Variants in SLC13A3 observed in about 807,000 individuals in gnomAD.
SLC13A3 encodes the protein Na(+)/dicarboxylate cotransporter 3.
SLC13A3 carries 40 observed loss-of-function variants against 59.0 expected under a neutral mutation model. The ratio of observed to expected loss-of-function variants is 0.68; its 90% confidence interval spans 0.53 to 0.88. The LOEUF (loss-of-function observed/expected upper bound fraction) is 0.88. Ranked by LOEUF, SLC13A3 falls within the 40% of genes least tolerant of loss-of-function variation. The pLI is 0.00. For missense variants in SLC13A3, 699 were observed against 783.2 expected, an observed-to-expected ratio of 0.89 and a Z score of 1.28; for synonymous variants, 317 against 330.3, an observed-to-expected ratio of 0.96 and a Z score of 0.44.
chr20:46,646,562 G>C (rs1275491747), intron 1 of SLC13A3, among the ~76,000 whole-genome samples: 1 of 152,138 alleles, frequency 6.6e-6, no homozygotes, highest in African/African-American at 2.4e-5. Context: ...TCACAAATGA[G>C]ACTCAGCCTC....
At chr20:46,624,029 C>T (rs1037467843) in intron 1 of SLC13A3, among the ~76,000 whole-genome samples, 4 of 152,204 alleles carry the variant, frequency 2.6e-5, no homozygotes, top group Non-Finnish European at 5.9e-5. Context: ...AAATCTCTCT[C>T]GTTCCTAGGC....
In SLC13A3 at chr20:46,577,578, G is replaced by A. The variant is rs554828623; in HGVS notation, c.1220-1893C>T. ...CTTGAGCAGGGTCCCATGTAATGCA[G>A]ATTAAATGGCGAGTGCGTATCAGAC... On this transcript the variant is annotated intron_variant, in intron 9 of 12. Transcript: ENST00000279027. Among the ~76,000 whole-genome samples, 74 of 152,362 alleles carry A rather than the reference G, an allele frequency of 4.9e-4. 1 individual carries two copies. The highest frequency in any genetic ancestry group is 1.6e-3 in the African/African-American group (66 of 41,588).
chr20:46,592,505 C>T lies in SLC13A3; in HGVS notation c.819G>A (p.Val273=), dbSNP rs752514081. 3.7e-6 allele frequency: 6 copies of T among 1,613,658 alleles called. No homozygotes were observed. Among genetic ancestry groups the T allele is most frequent in the Non-Finnish European group, 5.1e-6 (6 of 1,179,810 alleles). ...LKSFFPQCDV[V]NFGSWFIFAF... is the part of the protein sequence containing the mutation. The stretch of plus-strand genomic sequence containing the variant: ...CGAAAATGAACCAGGAGCCGAAATT[C>T]ACCACGTCACACTGCGGAAAGAAAC... The change falls in exon 6 of 13, where the codon GTG becomes GTA. Residue 273 remains valine (V), a synonymous_variant. Transcript: ENST00000279027.
At chr20:46,659,715 C>CCG (rs1001196913) in intron 1 of SLC13A3, among the ~76,000 whole-genome samples, 1 of 144,996 alleles carries the variant, frequency 6.9e-6, no homozygotes, top group African/African-American at 2.7e-5. Flanking sequence ...GACCCTATCC[C>CCG]CCCCCCCCAA....
chr20:46,674,161 T>A (rs1054008601), upstream of SLC13A3, among the ~76,000 whole-genome samples: 1 of 152,020 alleles, frequency 6.6e-6, no homozygotes, highest in South Asian at 2.1e-4. Flanking sequence ...CCCCTCCACC[T>A]CCGCACCCTG....
At chr20:46,610,272 A>G (rs912564239) in intron 3 of SLC13A3, among the ~76,000 whole-genome samples, 174 bp downstream of exon 3, 3 of 152,202 alleles carry the variant, frequency 2.0e-5, no homozygotes, top group African/African-American at 2.4e-5. Context: ...TAAACAACCA[A>G]GGTACCATGA....
At chr20:46,649,273 C>T (rs2062929152) in intron 1 of SLC13A3, among the ~76,000 whole-genome samples, 1 of 152,142 alleles carries the variant, frequency 6.6e-6, no homozygotes, top group Non-Finnish European at 1.5e-5. Flanking sequence ...TTCAGTTGTG[C>T]ATGTTGGAGT....
intron 5 of SLC13A3, 45 bp downstream of exon 5, chr20:46,596,112 G>A (rs769978953): frequency 1.3e-6 from 2 of 1,561,772 alleles, no homozygotes; most frequent in Non-Finnish European, 1.8e-6. Flanking sequence ...GGAAGAGGAG[G>A]GGAGGAGCAG....
At chr20:46,582,290 T>A (rs1022700859) in intron 9 of SLC13A3, among the ~76,000 whole-genome samples, 11 of 152,026 alleles carry the variant, frequency 7.2e-5, no homozygotes, top group African/African-American at 2.7e-4. Context: ...CCAGCTATTT[T>A]TTTTATTTTT....
chr20:46,660,734 TTC>T (rs373906095), intron 1 of SLC13A3, among the ~76,000 whole-genome samples: 23 of 152,298 alleles, frequency 1.5e-4, no homozygotes, highest in African/African-American at 5.1e-4. Context: ...TTTTGCCCCA[TTC>T]TCTCTCTCCT....
intron 8 of SLC13A3, among the ~76,000 whole-genome samples, chr20:46,587,410 C>A (rs947242764): frequency 3.3e-5 from 5 of 152,192 alleles, no homozygotes; most frequent in Non-Finnish European, 5.9e-5. Flanking sequence ...ACACTCTGAT[C>A]TGGCCCTCCC....
chr20:46,560,847 T>C (rs1237145387), intron 12 of SLC13A3, among the ~76,000 whole-genome samples: 1 of 152,184 alleles, frequency 6.6e-6, no homozygotes, highest in Non-Finnish European at 1.5e-5. Flanking sequence ...TGAAAATCCT[T>C]GTTTTCCCAC....
At chr20:46,666,721 C>T (rs2063064571) in intron 1 of SLC13A3, among the ~76,000 whole-genome samples, 1 of 152,032 alleles carries the variant, frequency 6.6e-6, no homozygotes. Context: ...CCAGGCTGGT[C>T]TCGAACTCCT....
chr20:46,616,987 C>T (rs1327684142), intron 1 of SLC13A3, among the ~76,000 whole-genome samples: 1 of 152,202 alleles, frequency 6.6e-6, no homozygotes, highest in African/African-American at 2.4e-5. Context: ...GTCTCCAGCC[C>T]ATTATCCTGC....
intron 9 of SLC13A3, among the ~76,000 whole-genome samples, chr20:46,578,704 T>C (rs1424455257): frequency 2.0e-5 from 3 of 151,884 alleles, no homozygotes; most frequent in African/African-American, 7.3e-5. Context: ...GCCAAGAAAT[T>C]TCATGTGCTA....
intron 1 of SLC13A3, among the ~76,000 whole-genome samples, chr20:46,617,609 C>CGTGTGTGT (rs573612968): frequency 1.4e-5 from 1 of 69,248 alleles, no homozygotes; most frequent in Non-Finnish European, 2.4e-5. Context: ...TGTGTGTGTG[C>CGTGTGTGT]GTGTGTGTGT....
At chr20:46,650,151 G>A (rs2062938397) in intron 1 of SLC13A3, among the ~76,000 whole-genome samples, 1 of 152,178 alleles carries the variant, frequency 6.6e-6, no homozygotes, top group South Asian at 2.1e-4. Context: ...AAAGGGACCT[G>A]TGGTACCATC....
intron 4 of SLC13A3, among the ~76,000 whole-genome samples, chr20:46,598,306 T>C (rs941283301): frequency 9.8e-5 from 15 of 152,308 alleles, no homozygotes; most frequent in Admixed American, 2.6e-4. Flanking sequence ...TCTGACTTCT[T>C]AGGAGTGGCA....
At chr20:46,677,640 G>A (rs965529189) in intron 1 of SLC13A3, among the ~76,000 whole-genome samples, 7 of 152,146 alleles carry the variant, frequency 4.6e-5, no homozygotes, top group South Asian at 2.1e-4. Flanking sequence ...TGGGATGCCC[G>A]TGAGGCCCTG....
Sources: gnomAD v4.1 joint callset for allele counts (sites outside exome capture counted in the v4.1 genomes callset) on GRCh38, gnomAD v4.1.1 for gene constraint, MANE v1.5 for transcripts, NCBI Gene and HGNC (gene_info 2026-07-23, HGNC 2026-07-21) for gene names.